Variants in BACH2 observed in about 807,000 individuals in gnomAD.
The protein encoded by BACH2 is BACH transcriptional regulator 2.
In BACH2, 5 loss-of-function variants were observed where a neutral mutation model predicts 61.8. The observed-to-expected ratio is 0.08, with a 90% confidence interval of 0.04 to 0.17. The LOEUF is 0.17. Ranked by LOEUF, BACH2 falls within the 10% of genes least tolerant of loss-of-function variation. BACH2 has a pLI of 1.00. For synonymous variants in BACH2, 446 were observed against 440.1 expected (o/e 1.01, Z -0.17); for missense variants, 824 against 1,091.1 (o/e 0.76, Z 3.45).
At chr6:90,136,565 T>C (rs1784278521) in intron 4 of BACH2, among the ~76,000 whole-genome samples, 1 of 152,168 alleles carries the variant, frequency 6.6e-6, no homozygotes, top group African/African-American at 2.4e-5. Context: ...ACCTTCTCCT[T>C]ATAAATGTGA....
intron 5 of BACH2, among the ~76,000 whole-genome samples, chr6:90,079,569 C>T (rs1032567681): frequency 2.3e-4 from 35 of 152,116 alleles, no homozygotes; most frequent in African/African-American, 2.9e-4. Flanking sequence ...AGACACACAA[C>T]GCAAAAACTT....
intron 4 of BACH2, among the ~76,000 whole-genome samples, chr6:90,097,917 C>T (rs1398974016): frequency 6.6e-6 from 1 of 152,156 alleles, no homozygotes; most frequent in Non-Finnish European, 1.5e-5. Flanking sequence ...TACGAATTAG[C>T]TTCTCTGTGA....
intron 4 of BACH2, among the ~76,000 whole-genome samples, chr6:90,092,845 TGGAAGCCAATGGATCTGTGATGTAG>T (rs1318786318): frequency 1.3e-5 from 2 of 152,174 alleles, no homozygotes; most frequent in Non-Finnish European, 2.9e-5. Flanking sequence ...TAAGGTCTTT[TGGAAGCCAATGGATCTGTGATGTAG>T]GACGTGGCCA....
chr6:89,992,187 C>T (rs1776613496), intron 6 of BACH2, among the ~76,000 whole-genome samples: 1 of 152,086 alleles, frequency 6.6e-6, no homozygotes, highest in African/African-American at 2.4e-5. Context: ...ACAAAGTATG[C>T]AAATGTATGC....
At chr6:89,999,957 A>G (rs946670908) in intron 6 of BACH2, among the ~76,000 whole-genome samples, 2 of 152,210 alleles carry the variant, frequency 1.3e-5, no homozygotes, top group Non-Finnish European at 2.9e-5. Flanking sequence ...TGATTTTTAG[A>G]TATGTCTTAG....
intron 3 of BACH2, among the ~76,000 whole-genome samples, chr6:90,207,330 G>A (rs1189510419): frequency 6.6e-6 from 1 of 152,108 alleles, no homozygotes; most frequent in African/African-American, 2.4e-5. Context: ...TGTTGCCCAA[G>A]CTGGTCTCAA....
At chr6:90,069,601 G>T (rs1180803894) in intron 5 of BACH2, among the ~76,000 whole-genome samples, 3 of 152,112 alleles carry the variant, frequency 2.0e-5, no homozygotes, top group Non-Finnish European at 4.4e-5. Context: ...TAGAAAAAAA[G>T]ACTTTAAGCA....
chr6:90,296,030 T>G (rs1772359353), intron 1 of BACH2, among the ~76,000 whole-genome samples: 1 of 152,038 alleles, frequency 6.6e-6, no homozygotes, highest in East Asian at 2.0e-4. Flanking sequence ...GATCGCAGGC[T>G]GGGGGCCGGG....
chr6:90,268,035 G>T (rs1266126407), intron 2 of BACH2, among the ~76,000 whole-genome samples: 4 of 149,272 alleles, frequency 2.7e-5, no homozygotes, highest in African/African-American at 9.9e-5. Flanking sequence ...TCAAGACAGG[G>T]TCTTGCTCTG....
rs61740507 is a variant in BACH2 at position 89,951,184 on chromosome 6, C to G, written c.922G>C (p.Glu308Gln). 1 of 1,613,722 alleles carries G rather than the reference C, an allele frequency of 6.2e-7. No individual in the cohort carries two copies. Among genetic ancestry groups the G allele is most frequent in the Non-Finnish European group, 8.5e-7 (1 of 1,180,004 alleles). The change falls in exon 7 of 9, where the codon GAG becomes CAG. Residue 308 changes from glutamate (E) to glutamine (Q), a missense_variant. Glu to Gln is a conservative substitution (Grantham distance 29, BLOSUM62 2). Coordinates refer to ENST00000257749, the MANE Select transcript of BACH2 (RefSeq NM_021813.4). The surrounding 1 kb of genome is among the most constrained non-coding windows in gnomAD (Gnocchi z 6.4). ...GGGCTGGGCTGTTTCCGGTCCATCT[C>G]GACATCCCCCGCTCTGTCCTTGGCG... is the stretch of plus-strand genomic sequence containing the variant. ...PDAKDRAGDV[E>Q]MDRKQPSPAP... is the part of the protein sequence containing the mutation.
At chr6:89,980,243 G>A (rs1402060992) in intron 6 of BACH2, among the ~76,000 whole-genome samples, 4 of 151,622 alleles carry the variant, frequency 2.6e-5, no homozygotes, top group African/African-American at 7.3e-5. Flanking sequence ...GCAGTGAGCC[G>A]AGATCGTGCC....
chr6:90,102,829 AT>A (rs1161782448), intron 4 of BACH2, among the ~76,000 whole-genome samples: 142 of 140,352 alleles, frequency 1.0e-3, no homozygotes, highest in African/African-American at 2.8e-3. Context: ...AATAATAATA[AT>A]AATAATAATA....
intron 4 of BACH2, among the ~76,000 whole-genome samples, chr6:90,204,595 C>CTG (rs1301685520): frequency 1.3e-5 from 2 of 152,180 alleles, no homozygotes; most frequent in Non-Finnish European, 2.9e-5. Flanking sequence ...TGGTTCCCAG[C>CTG]TGTGTGTGGA....
intron 5 of BACH2, among the ~76,000 whole-genome samples, chr6:90,028,542 G>A (rs1253966171): frequency 2.0e-5 from 3 of 152,198 alleles, no homozygotes; most frequent in African/African-American, 7.2e-5. Context: ...AGGCTCTGGG[G>A]CCAGCCTGCC....
intron 5 of BACH2, among the ~76,000 whole-genome samples, chr6:90,013,475 T>G: frequency 2.8e-5 from 4 of 143,224 alleles, no homozygotes; most frequent in South Asian, 4.9e-4. Context: ...TTCCCTCCCC[T>G]CCCCTCCCCT....
At chr6:90,064,173 C>T (rs1780826335) in intron 5 of BACH2, among the ~76,000 whole-genome samples, 1 of 152,170 alleles carries the variant, frequency 6.6e-6, no homozygotes, top group African/African-American at 2.4e-5. Context: ...AAATGCTAAA[C>T]AGAATGTGAT....
Position 89,951,745 on chromosome 6 carries a change from G to C in BACH2, c.361C>G (p.Leu121Val). 1 of 1,614,234 alleles carries C rather than the reference G, an allele frequency of 6.2e-7. No homozygotes were observed. Among genetic ancestry groups the C allele is most frequent in the Non-Finnish European group, 8.5e-7 (1 of 1,180,048 alleles). Residue 121 changes from leucine (L) to valine (V), a missense_variant, in exon 7 of 9, where the codon CTG becomes GTG. Physicochemically the swap from Leu to Val is conservative, Grantham distance 32. Around this residue, in one of 8 missense-constraint regions of BACH2, gnomAD observed 107 missense variants for 121.7 expected, o/e 0.88. Coordinates refer to ENST00000257749, the MANE Select transcript of BACH2 (RefSeq NM_021813.4). The surrounding 1 kb of genome is among the most constrained non-coding windows in gnomAD (Gnocchi z 6.4). ...AGGAAGCTGAAGCAGGAGTCCTCCA[G>C]GTTGTGCATGCGCAGGAACTCAGCA... ...RCAEFLRMHN[L>V]EDSCFSFLQT...
At chr6:90,085,765 A>C (rs1384300545) in intron 5 of BACH2, among the ~76,000 whole-genome samples, 1 of 152,208 alleles carries the variant, frequency 6.6e-6, no homozygotes, top group Non-Finnish European at 1.5e-5. Flanking sequence ...ATCCCTATCA[A>C]GCACTAGCTA....
chr6:90,051,746 T>C (rs759942324), intron 5 of BACH2, among the ~76,000 whole-genome samples: 3 of 152,148 alleles, frequency 2.0e-5, no homozygotes, highest in Non-Finnish European at 4.4e-5. Flanking sequence ...TTTTCACTTT[T>C]TCCTTTTCTA....
Sources: allele counts gnomAD v4.1 joint callset (sites outside exome capture counted in the v4.1 genomes callset), GRCh38; gene constraint gnomAD v4.1.1; regional missense constraint gnomAD v4.1.1; non-coding constraint Gnocchi (gnomAD v3.1); transcripts MANE v1.5; gene names NCBI Gene and HGNC (gene_info 2026-07-23, HGNC 2026-07-21).